The following LOXHD1 variants were observed in gnomAD, a reference collection of about 807,000 sequenced individuals.
The protein encoded by LOXHD1 is lipoxygenase homology domain-containing protein 1.
Under a neutral mutation model 248.2 loss-of-function variants are expected in LOXHD1, and 205 were observed. The ratio of observed to expected loss-of-function variants is 0.83; its 90% CI spans 0.74 to 0.93. The LOEUF (loss-of-function observed/expected upper bound fraction) is 0.93, where lower values mean the gene tolerates loss of function less well. Among genes scored for constraint, LOXHD1 ranks in the 40% least tolerant of loss-of-function variants. The pLI, the probability that LOXHD1 is intolerant of heterozygous loss-of-function variation, is 0.00. For missense variants in LOXHD1, 2,930 were observed against 2,971.6 expected (o/e 0.99, Z 0.33); for synonymous variants, 1,113 against 1,162.8 (o/e 0.96, Z 0.87).
intron 14 of LOXHD1, among the ~76,000 whole-genome samples, chr18:46,574,523 G>T (rs990861627): frequency 1.4e-4 from 21 of 151,446 alleles, no homozygotes; most frequent in African/African-American, 5.1e-4. Flanking sequence ...TGCATGCTCA[G>T]GCTCCAGTTC....
chr18:46,639,842 G>A (rs754031796), intron 3 of LOXHD1, 42 bp from the exon 4 acceptor site: 95 of 1,548,252 alleles, frequency 6.1e-5, no homozygotes, highest in Non-Finnish European at 8.0e-5. Context: ...TGGCAGAACT[G>A]AAACAGCACC....
chr18:46,554,559 G>A (rs796808509), intron 21 of LOXHD1, among the ~76,000 whole-genome samples: 3 of 152,216 alleles, frequency 2.0e-5, no homozygotes, highest in African/African-American at 7.2e-5. Flanking sequence ...GATTGTTAAG[G>A]CCAGCTCATC....
chr18:46,501,952 G>A (rs1023835643), intron 37 of LOXHD1, among the ~76,000 whole-genome samples: 3 of 152,202 alleles, frequency 2.0e-5, no homozygotes, highest in African/African-American at 7.2e-5. Context: ...CTCCTGAAAT[G>A]TGATTACATG....
intron 38 of LOXHD1, 84 bp downstream of exon 38, chr18:46,488,888 G>T: frequency 7.0e-7 from 1 of 1,437,412 alleles, no homozygotes; most frequent in South Asian, 1.4e-5. Context: ...TCTGGCACCT[G>T]ACCCCCCTCC....
At position 46,477,484 on chromosome 18, in the gene LOXHD1, G is replaced by A. The variant is rs1256145860; in HGVS notation, c.6810C>T (p.Phe2270=). The A allele has an allele frequency of 6.5e-7, 1 of 1,546,720 alleles. No homozygotes were observed. Among genetic ancestry groups the A allele is most frequent in the Admixed American group, 2.0e-5 (1 of 50,952 alleles). The change falls in exon 41 of 41, where the codon TTC becomes TTT. Residue 2270 remains phenylalanine, a synonymous_variant. Transcript: ENST00000642948. The part of the protein sequence containing the change: ...RGDGLTWRDL[F]PSV ...GGGCCCTAGCCCCTCAGACAGAAGG[G>A]AAGAGGTCTCTCCAGGTGAGTCCAT...
chr18:46,559,060 T>A, intron 20 of LOXHD1: 7 of 995,926 alleles, frequency 7.0e-6, no homozygotes, highest in Non-Finnish European at 9.7e-6. Flanking sequence ...TTTATATGTC[T>A]ACACCATACT....
At chr18:46,487,938 C>T (rs1191540142) in intron 38 of LOXHD1, among the ~76,000 whole-genome samples, 4 of 152,150 alleles carry the variant, frequency 2.6e-5, no homozygotes, top group Non-Finnish European at 4.4e-5. Context: ...AACCAAGAGT[C>T]CTGACCACTC....
chr18:46,655,636 C>T (rs9954042), intron 1 of LOXHD1, among the ~76,000 whole-genome samples: 3 of 152,134 alleles, frequency 2.0e-5, no homozygotes, highest in Non-Finnish European at 2.9e-5. Flanking sequence ...TACAGCCCCC[C>T]CTTCTACCCT....
intron 6 of LOXHD1, among the ~76,000 whole-genome samples, chr18:46,608,056 G>GGAAA (rs2038446524): frequency 1.4e-5 from 2 of 144,150 alleles, no homozygotes; most frequent in South Asian, 2.2e-4. Flanking sequence ...AAGGAAGGAA[G>GGAAA]GAAGGAAGGA....
chr18:46,650,929 G>C (rs1011980753), intron 1 of LOXHD1, among the ~76,000 whole-genome samples: 1 of 152,150 alleles, frequency 6.6e-6, no homozygotes, highest in Non-Finnish European at 1.5e-5. Context: ...ACACCTGAAC[G>C]ATCTTACCTG....
In LOXHD1 at chr18:46,593,667, C is replaced by T. The variant is rs199771475; in HGVS notation, c.1364G>A (p.Arg455Gln). The change falls in exon 10 of 41, where the codon CGG (arginine) becomes CAG (glutamine). Residue 455 changes from arginine (R) to glutamine (Q), a missense_variant. Transcript: ENST00000642948. ...GGGATTCAGGAGAATCTCATCTGTCCGCCCCTTCTGCCCATAAATCTGGAT... is the reference window on the plus strand; with the variant it reads ...GGGATTCAGGAGAATCTCATCTGTCTGCCCCTTCTGCCCATAAATCTGGAT... ...IFIQIYGQKG[R>Q]TDEILLNPNN... 3.1e-5 allele frequency: 48 copies of T among 1,552,142 alleles called. No homozygotes were observed. The East Asian group carries it at 3.7e-4, about 12-fold the overall frequency.
At chr18:46,507,159 G>A (rs368721357) in intron 36 of LOXHD1, among the ~76,000 whole-genome samples, 31 of 152,286 alleles carry the variant, frequency 2.0e-4, no homozygotes, top group Non-Finnish European at 3.5e-4. Flanking sequence ...AGCCAAAGCC[G>A]GCACATGGTA....
At chr18:46,552,687 C>A (rs1398220126) in intron 21 of LOXHD1, among the ~76,000 whole-genome samples, 3 of 152,182 alleles carry the variant, frequency 2.0e-5, no homozygotes, top group African/African-American at 7.2e-5. Context: ...CAGTGCCTGA[C>A]CCCAGCTGGC....
chr18:46,596,750 T>C (rs17769810), intron 8 of LOXHD1, among the ~76,000 whole-genome samples: 1 of 151,920 alleles, frequency 6.6e-6, no homozygotes, highest in East Asian at 1.9e-4. Flanking sequence ...AAAAACAAGA[T>C]CTTAAGAGCA....
chr18:46,610,188 G>A (rs1393784421), intron 6 of LOXHD1, among the ~76,000 whole-genome samples: 47 of 152,264 alleles, frequency 3.1e-4, no homozygotes, highest in East Asian at 3.9e-4. Context: ...AACAGGCCCC[G>A]GCTAGGTTCA....
intron 1 of LOXHD1, among the ~76,000 whole-genome samples, chr18:46,656,070 G>A (rs565473088): frequency 2.6e-4 from 40 of 152,288 alleles, no homozygotes; most frequent in African/African-American, 8.4e-4. Flanking sequence ...TGGCGCTTAC[G>A]GGGACTGGTG....
At chr18:46,537,723 C>T (rs988354740) in intron 26 of LOXHD1, among the ~76,000 whole-genome samples, 2 of 152,220 alleles carry the variant, frequency 1.3e-5, no homozygotes, top group African/African-American at 4.8e-5. Flanking sequence ...ATTGTTTGAC[C>T]ATAGCTTGAG....
chr18:46,594,421 A>G lies in LOXHD1; in HGVS notation c.1180T>C (p.Cys394Arg), dbSNP rs747140278. Residue 394 changes from cysteine to arginine, a missense_variant, in exon 9 of 41, where the codon TGT (cysteine) becomes CGT (arginine). Coordinates refer to ENST00000642948, the MANE Select transcript of LOXHD1 (RefSeq NM_001384474.1). ...TTCTTCTCATCCAGCCAGTTGCTAC[A>G]AGGGAAGGTCTGCTGGATACCAGTG... The part of the protein sequence containing the change: ...PFTGIQQTFP[C>R]SNWLDEKKAD... The G allele has an allele frequency of 6.4e-7, 1 of 1,551,598 alleles. No homozygotes were observed.
At chr18:46,506,104 C>A in intron 36 of LOXHD1, 81 bp from the exon 37 acceptor site, 1 of 1,467,580 alleles carries the variant, frequency 6.8e-7, no homozygotes, top group Non-Finnish European at 9.2e-7. Context: ...ATCCCGGACT[C>A]CTCAGAGGAG....
Sources: allele counts gnomAD v4.1 joint callset (sites outside exome capture counted in the v4.1 genomes callset), GRCh38; gene constraint gnomAD v4.1.1; transcripts MANE v1.5; gene names NCBI Gene and HGNC (gene_info 2026-07-23, HGNC 2026-07-21).